The following GLB1L2 variants were observed in gnomAD, a reference collection of about 807,000 sequenced individuals.
GLB1L2 encodes the protein beta-galactosidase-1-like protein 2.
A neutral mutation model predicts 84.1 loss-of-function variants in GLB1L2; 68 were observed. That is an observed-to-expected ratio of 0.81 (90% CI 0.67 to 0.99). The LOEUF (loss-of-function observed/expected upper bound fraction) is 0.99, where lower values mean the gene tolerates loss of function less well. Among genes scored for constraint, GLB1L2 ranks in the 50% least tolerant of loss-of-function variants. GLB1L2 has a pLI of 0.00. For synonymous variants in GLB1L2, 290 were observed against 318.0 expected (o/e 0.91, Z 0.94); for missense variants, 762 against 805.6 (o/e 0.95, Z 0.66).
At chr11:134,351,518 T>A (rs1437391610) in intron 5 of GLB1L2, among the ~76,000 whole-genome samples, 6 of 152,030 alleles carry the variant, frequency 3.9e-5, no homozygotes, top group African/African-American at 1.5e-4. Context: ...GCTAATTTTG[T>A]ATTTTCAGTA....
At chr11:134,342,998 G>A (rs770143973) in intron 2 of GLB1L2, 47 bp downstream of exon 2, 3 of 1,554,808 alleles carry the variant, frequency 1.9e-6, no homozygotes, top group East Asian at 4.5e-5. Flanking sequence ...TAAGCAGGGC[G>A]CCTGGTGTCT....
chr11:134,364,357 C>T lies in GLB1L2; in HGVS notation c.763C>T (p.His255Tyr). The T allele has an allele frequency of 6.2e-7, 1 of 1,614,092 alleles. No individual in the cohort carries two copies. The highest frequency in any genetic ancestry group is 1.3e-5 in the African/African-American group (1 of 75,054). Residue 255 changes from histidine to tyrosine, a missense_variant, in exon 8 of 19, where the codon CAC becomes TAC. This residue lies in a region of GLB1L2 where 603 missense variants were observed against 611.7 expected (regional missense o/e 0.99). Coordinates refer to ENST00000535456, the MANE Select transcript of GLB1L2 (RefSeq NM_001370461.1). ...VLATINLQSTHELQLLTTFLF... is the reference protein window; with the variant it reads ...VLATINLQSTYELQLLTTFLF... ...GGCCACCATCAACTTGCAGTCAACA[C>T]ACGAGCTGCAGCTACTGACCACCTT...
chr11:134,358,925 T>G (rs1187497950), intron 6 of GLB1L2, 135 bp from the exon 7 acceptor site: 5 of 613,684 alleles, frequency 8.1e-6, no homozygotes, highest in Admixed American at 3.1e-5. Flanking sequence ...GACTTTTCTG[T>G]TTTTGGCAGA....
chr11:134,342,394 G>A (rs1591611141), intron 1 of GLB1L2, among the ~76,000 whole-genome samples: 2 of 151,992 alleles, frequency 1.3e-5, no homozygotes, highest in Admixed American at 6.6e-5. Context: ...GCTGTCGCGC[G>A]TGGCCGCGGG....
chr11:134,335,698 C>T (rs1423637692), intron 1 of GLB1L2, among the ~76,000 whole-genome samples: 1 of 152,096 alleles, frequency 6.6e-6, no homozygotes, highest in Non-Finnish European at 1.5e-5. Flanking sequence ...GAAAGTTGAC[C>T]AAAGGGTTCT....
At chr11:134,361,598 C>G (rs1389874765) in intron 7 of GLB1L2, 2 of 152,460 alleles carry the variant, frequency 1.3e-5, no homozygotes, top group Admixed American at 6.5e-5. Flanking sequence ...CCCCTCAACT[C>G]CCCTGGTGCC....
Position 134,339,110 on chromosome 11 carries a change from T to A in GLB1L2, c.87-3644T>A, listed in dbSNP as rs1017334459. On this transcript the variant is annotated intron_variant, in intron 1 of 18. Transcript: ENST00000535456. The surrounding 1 kb of genome is among the most constrained non-coding windows in gnomAD (Gnocchi z 5.7). ...TCATCAGATAAAGGTCCATCGTGGATGAACTGCTCCCCAAGAAAAGTGACA... is the reference window on the plus strand; with the variant it reads ...TCATCAGATAAAGGTCCATCGTGGAAGAACTGCTCCCCAAGAAAAGTGACA... Among the ~76,000 whole-genome samples the A allele has an allele frequency of 6.6e-6, 1 of 152,208 alleles. No individual in the cohort carries two copies. Among genetic ancestry groups the A allele is most frequent in the Non-Finnish European group, 1.5e-5 (1 of 68,032 alleles).
In GLB1L2 at chr11:134,345,085, A is replaced by C; in HGVS notation, c.405A>C (p.Pro135=). 6.2e-7 allele frequency: 1 copy of C among 1,613,612 alleles called. No individual in the cohort carries two copies. The highest frequency in any genetic ancestry group is 8.5e-7 in the Non-Finnish European group (1 of 1,179,652). Residue 135 remains proline, a synonymous_variant, in exon 4 of 19, where the codon CCA becomes CCC. Transcript: ENST00000535456. ...TCGGGCTGTGGGTGATTCTGCGTCC[A>C]GGCCCCTACATCTGCAGTGAGATGG... is the stretch of plus-strand genomic sequence containing the variant. ...AEIGLWVILR[P]GPYICSEMDL...
chr11:134,366,837 G>A (rs776444600), intron 8 of GLB1L2, among the ~76,000 whole-genome samples: 1 of 151,438 alleles, frequency 6.6e-6, no homozygotes. Context: ...TTCTGCTAAT[G>A]GAGCCAGTAC....
At chr11:134,347,567 C>A in intron 5 of GLB1L2, 134 bp downstream of exon 5, 1 of 671,092 alleles carries the variant, frequency 1.5e-6, no homozygotes, top group Admixed American at 2.2e-5. Flanking sequence ...CCGTCCGAGA[C>A]TCGTAACTGA....
At chr11:134,342,498 T>G (rs1943480548) in intron 1 of GLB1L2, among the ~76,000 whole-genome samples, 1 of 152,114 alleles carries the variant, frequency 6.6e-6, no homozygotes, top group South Asian at 2.1e-4. Context: ...CGTCTCTCCT[T>G]TCAGCCCGCC....
intron 11 of GLB1L2, 75 bp downstream of exon 11, chr11:134,369,960 C>T (rs1943924743): frequency 1.6e-6 from 2 of 1,238,290 alleles, no homozygotes; most frequent in Admixed American, 1.8e-5. Flanking sequence ...AGAGTTACTT[C>T]CTTACTGTCC....
rs1214585657 is a variant in GLB1L2 at position 134,375,248 on chromosome 11, C to T, written c.*190C>T. ...GCCTGCAGGGAAAGGTGGGATGGCTCTGGGCCTGGCTTTGTTGATGATGGC... is the reference window on the plus strand; with the variant it reads ...GCCTGCAGGGAAAGGTGGGATGGCTTTGGGCCTGGCTTTGTTGATGATGGC... On this transcript the variant is annotated 3_prime_UTR_variant, in exon 19 of 19. Transcript: ENST00000535456. The T allele has an allele frequency of 3.6e-6, 2 of 561,960 alleles. No homozygotes were observed. The highest frequency in any genetic ancestry group is 6.3e-6 in the Non-Finnish European group (2 of 316,786). The allele number at this position is 561,960 out of a possible 1,614,324, so 34.8% of individuals were successfully genotyped here.
intron 15 of GLB1L2, 41 bp from the exon 16 acceptor site, chr11:134,373,680 C>G: frequency 7.1e-7 from 1 of 1,405,728 alleles, no homozygotes; most frequent in Non-Finnish European, 1.0e-6. Context: ...GACTCGGCCC[C>G]TGCCTTTGGG....
chr11:134,351,345 CTTT>C (rs367790049), intron 5 of GLB1L2, among the ~76,000 whole-genome samples: 7 of 129,108 alleles, frequency 5.4e-5, no homozygotes, highest in African/African-American at 1.2e-4. Flanking sequence ...CTTTTTCTTT[CTTT>C]TTTTTTTTTT....
At chr11:134,361,221 G>C (rs1362999208) in intron 7 of GLB1L2, 1 of 152,290 alleles carries the variant, frequency 6.6e-6, no homozygotes, top group East Asian at 1.9e-4. Context: ...AGCTACTTGG[G>C]AGGCTGAGGC....
intron 1 of GLB1L2, among the ~76,000 whole-genome samples, chr11:134,333,735 C>T (rs1411044546): frequency 6.6e-6 from 1 of 152,200 alleles, no homozygotes; most frequent in Non-Finnish European, 1.5e-5. Context: ...ACTGTGTCCC[C>T]ACCTAGGTGG....
chr11:134,375,028 C>G lies in GLB1L2; in HGVS notation c.1881C>G (p.Pro627=). The G allele has an allele frequency of 5.6e-6, 9 of 1,613,916 alleles. No homozygotes were observed. Among genetic ancestry groups the G allele is most frequent in the Non-Finnish European group, 7.6e-6 (9 of 1,179,974 alleles). ...CTGCATTACAGTTCACGGAAACCCC[C>G]CACCTGGGCAGGAACCAGTACATTA... is the stretch of plus-strand genomic sequence containing the variant. The part of the protein sequence containing the change: ...AGPALQFTET[P]HLGRNQYIK Residue 627 remains proline, a synonymous_variant, in exon 19 of 19, where the codon CCC becomes CCG. Transcript: ENST00000535456.
intron 8 of GLB1L2, 61 bp downstream of exon 8, chr11:134,364,459 A>C: frequency 2.2e-6 from 3 of 1,344,058 alleles, no homozygotes; most frequent in Non-Finnish European, 2.1e-6. Flanking sequence ...GGAATTCTGA[A>C]TGCCTGTCAG....
Sources: allele counts gnomAD v4.1 joint callset (sites outside exome capture counted in the v4.1 genomes callset), GRCh38; gene constraint gnomAD v4.1.1; regional missense constraint gnomAD v4.1.1; non-coding constraint Gnocchi (gnomAD v3.1); transcripts MANE v1.5; gene names NCBI Gene and HGNC (gene_info 2026-07-23, HGNC 2026-07-21).